The following RAP1GDS1 variants were observed in gnomAD, a reference collection of about 807,000 sequenced individuals.
The protein encoded by RAP1GDS1 is Rap1 GTPase-GDP dissociation stimulator 1.
A neutral mutation model predicts 71.1 loss-of-function variants in RAP1GDS1; 35 were observed. The ratio of observed to expected loss-of-function variants is 0.49; its 90% confidence interval spans 0.38 to 0.65. The LOEUF (loss-of-function observed/expected upper bound fraction) is 0.65, where lower values mean the gene tolerates loss of function less well. RAP1GDS1 is among the 30% of genes least tolerant of loss of function. The pLI, the probability that RAP1GDS1 is intolerant of heterozygous loss-of-function variation, is 0.00. For missense variants in RAP1GDS1, 663 were observed against 706.1 expected, an observed-to-expected ratio of 0.94 and a Z score of 0.69; for synonymous variants, 229 against 243.1, an observed-to-expected ratio of 0.94 and a Z score of 0.54.
chr4:98,336,950 A>G (rs111351659), intron 2 of RAP1GDS1, among the ~76,000 whole-genome samples: 1,902 of 152,090 alleles, frequency 0.013, 42 homozygotes, highest in African/African-American at 0.044. Flanking sequence ...GCTAGAGTGC[A>G]GTGGCATGAT....
intron 2 of RAP1GDS1, among the ~76,000 whole-genome samples, chr4:98,320,855 G>A (rs1327846779): frequency 3.2e-5 from 3 of 94,494 alleles, no homozygotes; most frequent in African/African-American, 4.2e-5. Flanking sequence ...ACTCTAAAAC[G>A]CAGAGCGCCT....
intron 2 of RAP1GDS1, among the ~76,000 whole-genome samples, chr4:98,334,936 A>G (rs1015450426): frequency 1.7e-4 from 25 of 147,998 alleles, no homozygotes; most frequent in Non-Finnish European, 3.6e-4. Context: ...AAAAAAAAAG[A>G]GATGGGGAAG....
At chr4:98,409,336 G>C (rs997163337) in intron 7 of RAP1GDS1, 1 of 152,622 alleles carries the variant, frequency 6.6e-6, no homozygotes, top group African/African-American at 2.4e-5. Flanking sequence ...GTATTCTGTA[G>C]GCCTTTTAGA....
chr4:98,372,710 G>A (rs768875668), intron 4 of RAP1GDS1, among the ~76,000 whole-genome samples: 4 of 152,150 alleles, frequency 2.6e-5, no homozygotes, highest in South Asian at 2.1e-4. Flanking sequence ...TTTGAGACAC[G>A]GTCTTGCTGT....
At chr4:98,411,951 A>G (rs1252649137) in intron 7 of RAP1GDS1, among the ~76,000 whole-genome samples, 1 of 152,196 alleles carries the variant, frequency 6.6e-6, no homozygotes, top group Non-Finnish European at 1.5e-5. Flanking sequence ...ATGGCACAGT[A>G]CAAGTGTACC....
At chr4:98,384,546 A>G (rs1374264989) in intron 5 of RAP1GDS1, among the ~76,000 whole-genome samples, 1 of 151,656 alleles carries the variant, frequency 6.6e-6, no homozygotes, top group Non-Finnish European at 1.5e-5. Flanking sequence ...TCAACCTATT[A>G]AATTTGACCA....
rs1748205337 is a variant in RAP1GDS1 at position 98,417,556 on chromosome 4, T to C, written c.1039+58T>C. Reference sequence around the variant, plus strand: ...ATACTCTATATTTGTTTATTTTTGCTTTGCTACCACATATACTAAAACTGG... The same window carrying C: ...ATACTCTATATTTGTTTATTTTTGCCTTGCTACCACATATACTAAAACTGG... On this transcript the variant is annotated intron_variant, in intron 9 of 14. Transcript: ENST00000408927. The C allele has an allele frequency of 3.9e-6, 6 of 1,541,348 alleles. No individual in the cohort carries two copies. The Admixed American group carries it at 1.1e-4, about 27-fold the overall frequency.
At chr4:98,413,274 G>T (rs1470110825) in intron 7 of RAP1GDS1, among the ~76,000 whole-genome samples, 2 of 151,538 alleles carry the variant, frequency 1.3e-5, no homozygotes, top group African/African-American at 4.9e-5. Flanking sequence ...CATTGTGCAG[G>T]TTAGTTACAT....
intron 7 of RAP1GDS1, among the ~76,000 whole-genome samples, chr4:98,407,408 A>C (rs1459552458): frequency 1.3e-5 from 2 of 152,222 alleles, no homozygotes; most frequent in Non-Finnish European, 2.9e-5. Context: ...AGAAGAAAAG[A>C]TAGGGTATCA....
chr4:98,288,631 G>A (rs1001675571), intron 1 of RAP1GDS1, among the ~76,000 whole-genome samples: 5 of 152,140 alleles, frequency 3.3e-5, no homozygotes, highest in South Asian at 2.1e-4. Flanking sequence ...TGGTTGAACT[G>A]GTTTACCGTC....
chr4:98,346,113 T>C (rs768547780), intron 3 of RAP1GDS1, among the ~76,000 whole-genome samples: 2 of 152,204 alleles, frequency 1.3e-5, no homozygotes, highest in African/African-American at 2.4e-5. Context: ...TAACAAGTCC[T>C]CTAGGTAATG....
intron 8 of RAP1GDS1, 49 bp from the exon 9 acceptor site, chr4:98,417,318 C>T (rs1291469064): frequency 1.9e-6 from 3 of 1,557,718 alleles, no homozygotes; most frequent in Non-Finnish European, 2.6e-6. Flanking sequence ...GAATTTGTTA[C>T]TCCTAGTTAT....
Position 98,421,305 on chromosome 4 carries a change from G to C in RAP1GDS1, c.1351G>C (p.Val451Leu), listed in dbSNP as rs1419268849. ...GAATGTTAAGTTAGTGGAGCGTTTG[G>C]TGGAATGGTGTGAAGCCAAAGATCA... ...GKNVKLVERL[V>L]EWCEAKDHAG... The change falls in exon 12 of 15, where the codon GTG (valine) becomes CTG (leucine). Residue 451 changes from valine (V) to leucine (L), a missense_variant. Val to Leu is a conservative substitution (Grantham distance 32). Coordinates refer to ENST00000408927, the MANE Select transcript of RAP1GDS1 (RefSeq NM_001100427.2). 1.9e-6 allele frequency: 3 copies of C among 1,611,846 alleles called. No individual in the cohort carries two copies. The highest frequency in any genetic ancestry group is 2.5e-6 in the Non-Finnish European group (3 of 1,178,716).
chr4:98,298,551 G>GA lies in RAP1GDS1; in HGVS notation c.112+5037dup, dbSNP rs749712741. On this transcript the variant is annotated intron_variant, in intron 2 of 14. Transcript: ENST00000408927. The stretch of plus-strand genomic sequence containing the variant: ...CTCTGAAAATGGAAAACAAAGTCTG[G>GA]ATGACAGCACATCTATTTACAGCAT... Among the ~76,000 whole-genome samples the GA allele has an allele frequency of 3.9e-5, 6 of 152,214 alleles. No individual in the cohort carries two copies. In the South Asian group the frequency reaches 8.3e-4, roughly 21 times the overall value.
chr4:98,349,542 A>C (rs972531875), intron 3 of RAP1GDS1, among the ~76,000 whole-genome samples: 1 of 152,184 alleles, frequency 6.6e-6, no homozygotes, highest in Non-Finnish European at 1.5e-5. Context: ...CATTGAATCT[A>C]TAAATTACTT....
At chr4:98,270,418 A>G (rs1353956971) in intron 1 of RAP1GDS1, among the ~76,000 whole-genome samples, 1 of 152,182 alleles carries the variant, frequency 6.6e-6, no homozygotes, top group Admixed American at 6.5e-5. Flanking sequence ...TCAAATGGTA[A>G]TGTATACTTG....
At chr4:98,281,737 C>T (rs913318677) in intron 1 of RAP1GDS1, among the ~76,000 whole-genome samples, 1 of 152,156 alleles carries the variant, frequency 6.6e-6, no homozygotes, top group African/African-American at 2.4e-5. Flanking sequence ...ATGATATTGG[C>T]CGTGGCTTTG....
intron 2 of RAP1GDS1, among the ~76,000 whole-genome samples, chr4:98,333,826 C>A (rs1734332458): frequency 6.6e-6 from 1 of 151,970 alleles, no homozygotes; most frequent in Admixed American, 6.6e-5. Flanking sequence ...GGTATTTTGC[C>A]AATAACTCAG....
rs769111935 is a variant in RAP1GDS1 at position 98,418,672 on chromosome 4, A to T, written c.1055A>T (p.His352Leu). The T allele has an allele frequency of 3.8e-6, 6 of 1,596,242 alleles. No homozygotes were observed. The Admixed American group carries it at 9.0e-5, about 24-fold the overall frequency. Residue 352 changes from histidine (H) to leucine (L), a missense_variant, in exon 10 of 15, where the codon CAT becomes CTT. Transcript: ENST00000408927. ...TTTTTTTCAGATGCAAATTGTATTC[A>T]TATGGTAGACAATGGGATTGTAGAA... is the stretch of plus-strand genomic sequence containing the variant. ...NFARNDANCI[H>L]MVDNGIVEKL... is the part of the protein sequence containing the mutation.
Sources: gnomAD v4.1 joint callset for allele counts (sites outside exome capture counted in the v4.1 genomes callset) on GRCh38, gnomAD v4.1.1 for gene constraint, MANE v1.5 for transcripts, NCBI Gene and HGNC (gene_info 2026-07-23, HGNC 2026-07-21) for gene names.